The following CES1 variants were observed in gnomAD, a reference collection of about 807,000 sequenced individuals.
The protein encoded by CES1 is carboxylesterase 1.
In CES1, 50 loss-of-function variants were observed where a neutral mutation model predicts 53.0. That is an observed-to-expected ratio of 0.94 (90% CI 0.75 to 1.19). The LOEUF is 1.19. Among genes scored for constraint, CES1 ranks in the 50% most tolerant of loss-of-function variants. The probability of loss-of-function intolerance (pLI) is 0.00; values close to 1 mark genes in which losing one functional copy is unlikely to be tolerated. For missense variants in CES1, 534 were observed against 538.0 expected, an observed-to-expected ratio of 0.99 and a Z score of 0.07; for synonymous variants, 202 against 210.1, an observed-to-expected ratio of 0.96 and a Z score of 0.33.
At chr16:55,808,620 A>G (rs2031541295) in intron 11 of CES1, among the ~76,000 whole-genome samples, 1 of 152,222 alleles carries the variant, frequency 6.6e-6, no homozygotes, top group South Asian at 2.1e-4. Flanking sequence ...ATTTACTTCT[A>G]AAAATAATCC....
chr16:55,819,354 T>C (rs1171196355), intron 7 of CES1, among the ~76,000 whole-genome samples, 181 bp downstream of exon 7: 1 of 152,254 alleles, frequency 6.6e-6, no homozygotes, highest in African/African-American at 2.4e-5. Flanking sequence ...TGTTATTTTT[T>C]GACTTTCTTT....
In CES1 at chr16:55,810,534, A is replaced by G. The variant is rs2031639029; in HGVS notation, c.1301T>C (p.Val434Ala). Residue 434 changes from valine (V) to alanine (A), a missense_variant, in exon 11 of 14, where the codon GTG becomes GCG. Transcript: ENST00000360526. ...GGACTCACCTCTGTGGTTCCGGGCC[A>G]CAATCACAGATGGGACACCAAACAT... The part of the protein sequence containing the change: ...DVMFGVPSVI[V>A]ARNHRDAGAP... The G allele has an allele frequency of 1.9e-6, 3 of 1,614,144 alleles. No individual in the cohort carries two copies. Among genetic ancestry groups the G allele is most frequent in the East Asian group, 2.2e-5 (1 of 44,892 alleles).
At chr16:55,817,029 G>T in intron 7 of CES1, 67 bp from the exon 8 acceptor site, 1 of 1,534,000 alleles carries the variant, frequency 6.5e-7, no homozygotes, top group East Asian at 2.2e-5. Context: ...TGGGTGAGTG[G>T]GGCAACAGAG....
chr16:55,831,690 A>G (rs1410606702), intron 1 of CES1, among the ~76,000 whole-genome samples: 1 of 146,066 alleles, frequency 6.8e-6, no homozygotes, highest in Non-Finnish European at 1.5e-5. Context: ...TTCAGTTCCA[A>G]ATAGGCTTCC....
chr16:55,829,542 G>A (rs1708122204), intron 1 of CES1, among the ~76,000 whole-genome samples: 1 of 152,228 alleles, frequency 6.6e-6, no homozygotes, highest in South Asian at 2.1e-4. Flanking sequence ...GAGATGAGAA[G>A]CAGAGAGTGG....
chr16:55,827,796 A>G (rs1370030822), intron 2 of CES1: 1 of 152,218 alleles, frequency 6.6e-6, no homozygotes, highest in East Asian at 1.9e-4. Context: ...CATCCAAATT[A>G]TCTCAATATA....
At chr16:55,830,130 G>C (rs1249680370) in intron 1 of CES1, among the ~76,000 whole-genome samples, 1 of 152,214 alleles carries the variant, frequency 6.6e-6, no homozygotes, top group Non-Finnish European at 1.5e-5. Context: ...GAGCAGAACA[G>C]AACAATTCAG....
At chr16:55,808,742 T>C (rs1287219187) in intron 11 of CES1, among the ~76,000 whole-genome samples, 2 of 152,180 alleles carry the variant, frequency 1.3e-5, no homozygotes, top group African/African-American at 2.4e-5. Flanking sequence ...AGGATATGAA[T>C]ATTAAAGTCT....
At position 55,819,722 on chromosome 16, in the gene CES1, G is replaced by T. The variant is rs1469308722; in HGVS notation, c.802-83C>A. The T allele has an allele frequency of 6.7e-6, 8 of 1,187,012 alleles. No individual in the cohort carries two copies. The East Asian group carries it at 1.6e-4, about 24-fold the overall frequency. The allele number at this position is 1,187,012 out of a possible 1,614,324, so 73.5% of individuals were successfully genotyped here. ...AGAGGAAAGTGGCATTCTATCCCAA[G>T]CCCAACTTGTACTAGTGGCAGGGAG... On this transcript the variant is annotated intron_variant, in intron 6 of 13. Transcript: ENST00000360526.
At chr16:55,821,238 TG>T (rs3217164) in intron 5 of CES1, 129 bp downstream of exon 5, 591,216 of 1,261,444 alleles carry the variant, frequency 0.47, 148,401 homozygotes, top group Non-Finnish European at 0.52. Context: ...GATGCTGGGC[TG>T]TGAGTAGGGC....
At chr16:55,808,938 T>C (rs2142310097) in intron 11 of CES1, among the ~76,000 whole-genome samples, 1 of 152,118 alleles carries the variant, frequency 6.6e-6, no homozygotes, top group East Asian at 1.9e-4. Flanking sequence ...CTCCAGGTAG[T>C]GGAAATGAGT....
chr16:55,808,793 G>A (rs759984224), intron 11 of CES1, among the ~76,000 whole-genome samples: 6 of 152,080 alleles, frequency 3.9e-5, no homozygotes, highest in Non-Finnish European at 7.3e-5. Context: ...ATGCTTTGAT[G>A]AGTTTGTATC....
At chr16:55,818,244 TCC>T (rs34807425) in intron 7 of CES1, among the ~76,000 whole-genome samples, 1 of 152,180 alleles carries the variant, frequency 6.6e-6, no homozygotes, top group African/African-American at 2.4e-5. Flanking sequence ...CTCCTGGTCT[TCC>T]CTGTGATGAG....
intron 2 of CES1, among the ~76,000 whole-genome samples, chr16:55,828,474 T>G (rs1402215988): frequency 6.6e-6 from 1 of 152,196 alleles, no homozygotes; most frequent in East Asian, 1.9e-4. Context: ...AATTTGCATA[T>G]TGTTCTTATC....
intron 8 of CES1, 104 bp downstream of exon 8, chr16:55,816,820 G>T (rs571832768): frequency 3.0e-6 from 4 of 1,338,228 alleles, no homozygotes; most frequent in Non-Finnish European, 4.3e-6. Flanking sequence ...AAACACGCAG[G>T]AGTTACTATA....
intron 1 of CES1, among the ~76,000 whole-genome samples, chr16:55,831,876 C>A (rs11076114): frequency 0.08 from 10,010 of 125,078 alleles, 215 homozygotes; most frequent in Non-Finnish European, 0.092. Context: ...CTCAGTTTCT[C>A]TGTCTATAAA....
In CES1 at chr16:55,828,771, G is replaced by T. The variant is rs1386387941; in HGVS notation, c.256C>A (p.Pro86Thr). ...AGGACACATGCCGCAGCTTACATAG[G>T]AGGGTACGAGGTGGCATTCTTCACA... is the stretch of plus-strand genomic sequence containing the variant. The part of the protein sequence containing the change: ...SFVKNATSYP[P>T]MCTQDPKAGQ... The change falls in exon 2 of 14, where the codon CCT becomes ACT. Residue 86 changes from proline to threonine, a missense_variant. Pro to Thr is a conservative substitution (Grantham distance 38, BLOSUM62 -1). Coordinates refer to ENST00000360526, the MANE Select transcript of CES1 (RefSeq NM_001025195.2). The T allele has an allele frequency of 2.5e-6, 4 of 1,614,276 alleles. No homozygotes were observed. In the South Asian group the frequency reaches 4.4e-5, roughly 18 times the overall value.
At chr16:55,831,274 C>T (rs2032659527) in intron 1 of CES1, among the ~76,000 whole-genome samples, 1 of 152,096 alleles carries the variant, frequency 6.6e-6, no homozygotes, top group South Asian at 2.1e-4. Context: ...GGCGAGGAAC[C>T]AGCTAAGAGT....
At chr16:55,811,441 T>C (rs1239689421) in intron 9 of CES1, among the ~76,000 whole-genome samples, 1 of 152,102 alleles carries the variant, frequency 6.6e-6, no homozygotes, top group Admixed American at 6.5e-5. Flanking sequence ...AATCCTTAAA[T>C]CCTGTCTTCG....
Sources: allele counts gnomAD v4.1 joint callset (sites outside exome capture counted in the v4.1 genomes callset), GRCh38; gene constraint gnomAD v4.1.1; transcripts MANE v1.5; gene names NCBI Gene and HGNC (gene_info 2026-07-23, HGNC 2026-07-21).